Variants in HDC observed in about 807,000 individuals in gnomAD.
The protein encoded by HDC is histidine decarboxylase.
Under a neutral mutation model 64.4 loss-of-function variants are expected in HDC, and 27 were observed. The ratio of observed to expected loss-of-function variants is 0.42; its 90% CI spans 0.31 to 0.58. The LOEUF is 0.58. Among genes scored for constraint, HDC ranks in the 20% least tolerant of loss-of-function variants. HDC has a pLI of 0.16. For synonymous variants in HDC, 305 were observed against 314.2 expected (o/e 0.97, Z 0.31); for missense variants, 711 against 833.9 (o/e 0.85, Z 1.81).
In HDC at chr15:50,242,178, GCA is replaced by G; in HGVS notation, c.*80_*81del. 1 of 1,154,366 alleles carries G rather than the reference GCA, an allele frequency of 8.7e-7. No homozygotes were observed. The highest frequency in any genetic ancestry group is 1.5e-5 in the African/African-American group (1 of 65,708). 71.5% of individuals were successfully genotyped at this position (1,154,366 alleles called of 1,614,324 possible). On this transcript the variant is annotated 3_prime_UTR_variant, in exon 12 of 12. Coordinates refer to ENST00000267845, the MANE Select transcript of HDC (RefSeq NM_002112.4). ...CCAAGAAAAATGCATGTACACATAAGCACACAAAGTTGGCATACAATTGTGAG... is the reference window on the plus strand; with the variant it reads ...CCAAGAAAAATGCATGTACACATAAGCACAAAGTTGGCATACAATTGTGAG...
chr15:50,248,014 G>C lies in HDC; in HGVS notation c.1140+231C>G, dbSNP rs550882416. On this transcript the variant is annotated intron_variant, in intron 10 of 11. Transcript: ENST00000267845. The surrounding 1 kb of genome is among the most constrained non-coding windows in gnomAD (Gnocchi z 4.3). ...AGTGCTCAGTGACAGCAAGGGGAAC[G>C]GTGAGACACTCAGCAGAGGACAGGC... 6.6e-6 allele frequency among the ~76,000 whole-genome samples: 1 copy of C among 152,180 alleles called. No individual in the cohort carries two copies. The highest frequency in any genetic ancestry group is 6.5e-5 in the Admixed American group (1 of 15,288).
chr15:50,261,911 G>A (rs1020051350), intron 2 of HDC, among the ~76,000 whole-genome samples: 4 of 152,062 alleles, frequency 2.6e-5, no homozygotes, highest in African/African-American at 7.2e-5. Context: ...GTTTCTCCAT[G>A]TTGGTCAGGC....
intron 2 of HDC, among the ~76,000 whole-genome samples, chr15:50,259,084 C>T (rs1208863522): frequency 1.3e-5 from 2 of 151,980 alleles, no homozygotes; most frequent in African/African-American, 2.4e-5. Context: ...ATGATGTGAA[C>T]CCGGGAGGCT....
At chr15:50,252,970 G>A in intron 7 of HDC, 196 bp from the exon 8 acceptor site, 1 of 615,258 alleles carries the variant, frequency 1.6e-6, no homozygotes, top group Non-Finnish European at 2.9e-6. Context: ...CCTCCGAATG[G>A]GAAAGTCTAC....
At position 50,265,675 on chromosome 15, in the gene HDC, G is replaced by C. The variant is rs369973867; in HGVS notation, c.-52C>G. On this transcript the variant is annotated 5_prime_UTR_variant, in exon 1 of 12. Coordinates refer to ENST00000267845, the MANE Select transcript of HDC (RefSeq NM_002112.4). The stretch of plus-strand genomic sequence containing the variant: ...CAGATGGACACGCAGGAGGTGGAAG[G>C]CGTGAAAGGCGTGGAGCAGCCCGGC... 2 of 1,566,626 alleles carry C rather than the reference G, an allele frequency of 1.3e-6. No homozygotes were observed. Among genetic ancestry groups the C allele is most frequent in the Non-Finnish European group, 1.8e-6 (2 of 1,137,188 alleles).
chr15:50,256,320 G>A (rs528526164), intron 4 of HDC, among the ~76,000 whole-genome samples: 1 of 152,352 alleles, frequency 6.6e-6, no homozygotes, highest in South Asian at 2.1e-4. Flanking sequence ...AGGCTGCAGT[G>A]AGAGAGGGAG....
Position 50,253,665 on chromosome 15 carries a change from A to G in HDC, c.722T>C (p.Val241Ala), listed in dbSNP as rs1445486385. The change falls in exon 7 of 12, where the codon GTC (valine) becomes GCC (alanine). Residue 241 changes from valine (V) to alanine (A), a missense_variant and splice_region_variant. Physicochemically the swap from Val to Ala is moderately conservative, Grantham distance 64. This residue lies in a region of HDC where 483 missense variants were observed against 540.9 expected (regional missense o/e 0.89). Transcript: ENST00000267845. The stretch of plus-strand genomic sequence containing the variant: ...CCCAGTGGTCCCTAGTGTTGCACAG[A>G]CCTAGGGGAAAATTAAGGCAAGTTA... Reference protein sequence around the residue: ...DKQRGLVPVFVCATLGTTGVC... With the variant: ...DKQRGLVPVFACATLGTTGVC... 6.2e-7 allele frequency: 1 copy of G among 1,612,800 alleles called. No homozygotes were observed.
At position 50,254,112 on chromosome 15, in the gene HDC, G is replaced by T; in HGVS notation, c.720+18C>A. 1 of 1,613,640 alleles carries T rather than the reference G, an allele frequency of 6.2e-7. No homozygotes were observed. Among genetic ancestry groups the T allele is most frequent in the Non-Finnish European group, 8.5e-7 (1 of 1,179,710 alleles). On this transcript the variant is annotated intron_variant, in intron 6 of 11. Transcript: ENST00000267845. ...CCAAGTTCTATCATTCTAAGCTTAG[G>T]CATATATCCTGACTTACAAAGACGG...
At chr15:50,246,624 A>G (rs2045485626) in intron 10 of HDC, among the ~76,000 whole-genome samples, 1 of 152,310 alleles carries the variant, frequency 6.6e-6, no homozygotes. Context: ...AGCCAGGCCC[A>G]GGAGTGTGGG....
intron 9 of HDC, among the ~76,000 whole-genome samples, chr15:50,249,940 CA>C (rs569128640): frequency 4.5e-4 from 68 of 152,300 alleles, no homozygotes; most frequent in Middle Eastern, 3.4e-3. Context: ...TCTGTTGGAT[CA>C]AAAAATCTGG....
chr15:50,258,208 G>A (rs184770443), intron 3 of HDC, among the ~76,000 whole-genome samples, 196 bp downstream of exon 3: 1 of 152,176 alleles, frequency 6.6e-6, no homozygotes, highest in South Asian at 2.1e-4. Context: ...CTACAAAATG[G>A]GATCAATACT....
intron 10 of HDC, among the ~76,000 whole-genome samples, chr15:50,246,588 T>C (rs566115750): frequency 1.3e-5 from 2 of 152,180 alleles, no homozygotes; most frequent in East Asian, 1.9e-4. Flanking sequence ...CAAGCTAAGG[T>C]AGGAGCTAAT....
chr15:50,261,812 C>T (rs959505300), intron 2 of HDC, among the ~76,000 whole-genome samples: 7 of 151,618 alleles, frequency 4.6e-5, no homozygotes, highest in Admixed American at 3.3e-4. Flanking sequence ...CGGGTTCAAG[C>T]GATTCTCCTA....
rs79973066 is a variant in HDC at position 50,243,955 on chromosome 15, C to T, written c.1141-711G>A. Reference sequence around the variant, plus strand: ...CACCACATTGTGAGTATTCTTAATGCCACTGAATTGTACACTTAAAAATGA... The same window carrying T: ...CACCACATTGTGAGTATTCTTAATGTCACTGAATTGTACACTTAAAAATGA... On this transcript the variant is annotated intron_variant, in intron 10 of 11. Transcript: ENST00000267845. Among the ~76,000 whole-genome samples, 805 of 152,264 alleles carry T rather than the reference C, an allele frequency of 5.3e-3. 3 individuals carry two copies. Among genetic ancestry groups the T allele is most frequent in the Non-Finnish European group, 9.4e-3 (642 of 68,026 alleles).
Position 50,263,396 on chromosome 15 carries a change from C to T in HDC, c.43G>A (p.Val15Met), listed in dbSNP as rs1202209022. The T allele has an allele frequency of 6.2e-7, 1 of 1,614,016 alleles. No individual in the cohort carries two copies. Among genetic ancestry groups the T allele is most frequent in the Non-Finnish European group, 8.5e-7 (1 of 1,179,998 alleles). Residue 15 changes from valine to methionine, a missense_variant, in exon 2 of 12, where the codon GTG becomes ATG. Around this residue, in one of 3 missense-constraint regions of HDC, gnomAD observed 225 missense variants for 276.2 expected, o/e 0.81. Transcript: ENST00000267845. ...EEYRERGREMVDYICQYLSTV... is the reference protein window; with the variant it reads ...EEYRERGREMMDYICQYLSTV... ...CTCAGGTACTGGCAGATGTAATCCA[C>T]CATCTCTCTCCCTAGAAGTGACATA...
chr15:50,251,204 C>T (rs1595704336), intron 9 of HDC, among the ~76,000 whole-genome samples: 1 of 152,246 alleles, frequency 6.6e-6, no homozygotes, highest in African/African-American at 2.4e-5. Context: ...AGTTAGTAAA[C>T]AGAAAGCCAG....
At position 50,243,103 on chromosome 15, in the gene HDC, C is replaced by T. The variant is rs2045425612; in HGVS notation, c.1242+40G>A. 11 of 1,611,930 alleles carry T rather than the reference C, an allele frequency of 6.8e-6. No homozygotes were observed. The South Asian group carries it at 7.7e-5, about 11-fold the overall frequency. ...GTTTCCGAGAGGCTCTGGAGCACCACAAGACATCATTCACAGAGGGGCTTG... is the reference window on the plus strand; with the variant it reads ...GTTTCCGAGAGGCTCTGGAGCACCATAAGACATCATTCACAGAGGGGCTTG... On this transcript the variant is annotated intron_variant, in intron 11 of 11. Coordinates refer to ENST00000267845, the MANE Select transcript of HDC (RefSeq NM_002112.4).
intron 4 of HDC, among the ~76,000 whole-genome samples, chr15:50,255,292 C>A (rs564315393): frequency 6.6e-6 from 1 of 152,328 alleles, no homozygotes; most frequent in East Asian, 1.9e-4. Context: ...ACCTCAGGAA[C>A]TTCACAGGAG....
intron 9 of HDC, among the ~76,000 whole-genome samples, chr15:50,251,962 C>G (rs2045561936): frequency 6.6e-6 from 1 of 152,190 alleles, no homozygotes; most frequent in Non-Finnish European, 1.5e-5. Flanking sequence ...CACACAAGTC[C>G]TGCAGCCCAT....
Sources: allele counts gnomAD v4.1 joint callset (sites outside exome capture counted in the v4.1 genomes callset), GRCh38; gene constraint gnomAD v4.1.1; regional missense constraint gnomAD v4.1.1; non-coding constraint Gnocchi (gnomAD v3.1); transcripts MANE v1.5; gene names NCBI Gene and HGNC (gene_info 2026-07-23, HGNC 2026-07-21).